CFAP77: variants seen among roughly 807,000 people sequenced by gnomAD.
CFAP77 encodes the protein cilia- and flagella-associated protein 77.
CFAP77 carries 25 observed loss-of-function variants against 31.1 expected under a neutral mutation model. That is an observed-to-expected ratio of 0.80 (90% confidence interval 0.59 to 1.12). The LOEUF (loss-of-function observed/expected upper bound fraction) is 1.12. Ranked by LOEUF, CFAP77 falls within the 50% of genes most tolerant of loss-of-function variation. The pLI is 0.00. For missense variants in CFAP77, 377 were observed against 397.3 expected (o/e 0.95, Z 0.44); for synonymous variants, 151 against 159.9 (o/e 0.94, Z 0.42).
chr9:132,510,065 G>A (rs1589895529), intron 3 of CFAP77, among the ~76,000 whole-genome samples: 1 of 152,268 alleles, frequency 6.6e-6, no homozygotes, highest in South Asian at 2.1e-4. Context: ...GACACTCGCG[G>A]CATCCCAAGC....
intron 3 of CFAP77, among the ~76,000 whole-genome samples, chr9:132,532,706 C>T (rs62578598): frequency 0.043 from 6,501 of 152,174 alleles, 209 homozygotes; most frequent in Middle Eastern, 0.088. Flanking sequence ...AATTAAGTCA[C>T]AGGGTAAGTT....
At chr9:132,438,539 A>ATTT (rs1165427680) in intron 1 of CFAP77, among the ~76,000 whole-genome samples, 7 of 115,448 alleles carry the variant, frequency 6.1e-5, no homozygotes, top group Non-Finnish European at 1.0e-4. Flanking sequence ...ATATATATAT[A>ATTT]TATTTTTTTT....
At chr9:132,460,040 G>A (rs1277187637) in intron 1 of CFAP77, among the ~76,000 whole-genome samples, 3 of 152,092 alleles carry the variant, frequency 2.0e-5, no homozygotes, top group Non-Finnish European at 4.4e-5. Flanking sequence ...TTCCATGCAG[G>A]GCATCGCACC....
At chr9:132,519,962 G>A (rs965650555) in intron 3 of CFAP77, among the ~76,000 whole-genome samples, 1 of 152,034 alleles carries the variant, frequency 6.6e-6, no homozygotes, top group African/African-American at 2.4e-5. Flanking sequence ...GTGGATGGAT[G>A]GACTAACGAA....
At chr9:132,549,616 T>TC (rs2119079291) in intron 5 of CFAP77, among the ~76,000 whole-genome samples, 2 of 152,228 alleles carry the variant, frequency 1.3e-5, no homozygotes, top group African/African-American at 4.8e-5. Flanking sequence ...GGCGGGTGGA[T>TC]CACCTGAGGT....
intron 1 of CFAP77, among the ~76,000 whole-genome samples, chr9:132,474,407 AG>A (rs768484622): frequency 4.6e-5 from 7 of 152,230 alleles, no homozygotes; most frequent in Non-Finnish European, 1.0e-4. Context: ...CCTTCATCCC[AG>A]GAAGGAGCGT....
chr9:132,528,414 C>T (rs1307206876), intron 3 of CFAP77, among the ~76,000 whole-genome samples: 2 of 146,536 alleles, frequency 1.4e-5, no homozygotes, highest in African/African-American at 4.9e-5. Flanking sequence ...TAGAAGAAAA[C>T]CTAGGCATTA....
chr9:132,411,563 C>G (rs972438393), intron 1 of CFAP77, among the ~76,000 whole-genome samples: 1 of 152,176 alleles, frequency 6.6e-6, no homozygotes, highest in Non-Finnish European at 1.5e-5. Context: ...TCGTGCCTTT[C>G]CATCGAATAG....
intron 1 of CFAP77, chr9:132,482,165 C>G: frequency 1.7e-6 from 1 of 583,364 alleles, no homozygotes. Flanking sequence ...TCTGCTTTTT[C>G]CTTTTCTCTC....
rs1387449295 is a variant in CFAP77 at position 132,542,911 on chromosome 9, C to A, written c.631-35C>A. 3 of 1,546,938 alleles carry A rather than the reference C, an allele frequency of 1.9e-6. 1 individual carries two copies. Among genetic ancestry groups the A allele is most frequent in the Middle Eastern group, 1.7e-4 (1 of 5,934 alleles). ...GCACGGCCTTCTCCAAGTAGCCGGG[C>A]AACCATCTCACCTTTGCCTTTCCCT... On this transcript the variant is annotated intron_variant, in intron 4 of 5. Coordinates refer to ENST00000393216, the MANE Select transcript of CFAP77 (RefSeq NM_001282957.2).
Position 132,498,719 on chromosome 9 carries a change from A to G in CFAP77, c.220A>G (p.Arg74Gly), listed in dbSNP as rs535379609. 8 of 1,612,414 alleles carry G rather than the reference A, an allele frequency of 5.0e-6. No individual in the cohort carries two copies. The African/African-American group carries it at 9.3e-5, about 19-fold the overall frequency. Residue 74 changes from arginine (R) to glycine (G), a missense_variant, in exon 2 of 6, where the codon AGA becomes GGA. Coordinates refer to ENST00000393216, the MANE Select transcript of CFAP77 (RefSeq NM_001282957.2). This position sits in a 1 kb window ranked among gnomAD's most constrained non-coding sequence, Gnocchi z 4.2. ...VKAELGKPRE[R>G]SYSLPGINFN... ...GGCTGAACTCGGCAAGCCCCGGGAA[A>G]GAAGCTACAGTCTGCCCGGCATTAA...
chr9:132,478,161 G>T (rs569218531), intron 1 of CFAP77, among the ~76,000 whole-genome samples: 25 of 152,200 alleles, frequency 1.6e-4, no homozygotes, highest in African/African-American at 5.8e-4. Flanking sequence ...ATCATGGGGG[G>T]TGGTTTCTGC....
At chr9:132,510,529 A>G (rs1221050427) in intron 3 of CFAP77, among the ~76,000 whole-genome samples, 1 of 152,232 alleles carries the variant, frequency 6.6e-6, no homozygotes, top group African/African-American at 2.4e-5. Flanking sequence ...AGAACCAGGC[A>G]TCAAGCCCAA....
chr9:132,423,396 C>T (rs541083988), intron 1 of CFAP77, among the ~76,000 whole-genome samples: 11 of 152,334 alleles, frequency 7.2e-5, no homozygotes, highest in Admixed American at 3.9e-4. Context: ...GCTGACGCTC[C>T]AGTTTGCCCA....
intron 1 of CFAP77, among the ~76,000 whole-genome samples, chr9:132,449,314 TACTCCTGGCTGCACTCACCCTCCTCTC>T (rs1850781738): frequency 2.0e-5 from 3 of 151,146 alleles, no homozygotes; most frequent in African/African-American, 7.4e-5. Flanking sequence ...CCTCCTCTCC[TACTCCTGGCTGCACTCACCCTCCTCTC>T]CTACTCCTGG....
Position 132,495,010 on chromosome 9 carries a change from G to A in CFAP77, c.196-3685G>A, listed in dbSNP as rs182458204. Reference sequence around the variant, plus strand: ...TCTGCTTCCCACATCAAATACCCTGGTGAACATGACTGCCATTGCTTAACT... The same window carrying A: ...TCTGCTTCCCACATCAAATACCCTGATGAACATGACTGCCATTGCTTAACT... On this transcript the variant is annotated intron_variant, in intron 1 of 5. Transcript: ENST00000393216. The surrounding 1 kb of genome is among the most constrained non-coding windows in gnomAD (Gnocchi z 4.2). Among the ~76,000 whole-genome samples the A allele has an allele frequency of 6.2e-4, 95 of 152,254 alleles. No homozygotes were observed. The highest frequency in any genetic ancestry group is 2.2e-3 in the African/African-American group (91 of 41,554).
At chr9:132,537,547 G>A in intron 3 of CFAP77, 54 bp from the exon 4 acceptor site, 1 of 1,379,486 alleles carries the variant, frequency 7.2e-7, no homozygotes, top group Non-Finnish European at 1.0e-6. Flanking sequence ...GTGGGGAGCG[G>A]GTGCCTCTGG....
At position 132,490,724 on chromosome 9, in the gene CFAP77, T is replaced by G. The variant is rs1319989508; in HGVS notation, c.196-7971T>G. Among the ~76,000 whole-genome samples, 1 of 152,202 alleles carries G rather than the reference T, an allele frequency of 6.6e-6. No homozygotes were observed. Among genetic ancestry groups the G allele is most frequent in the Non-Finnish European group, 1.5e-5 (1 of 68,034 alleles). ...TCAAGATCTGTATGTGTCTTTCTTT[T>G]CCTGATTACCCTTCCCCCAACGCAG... On this transcript the variant is annotated intron_variant, in intron 1 of 5. Transcript: ENST00000393216. This position sits in a 1 kb window ranked among gnomAD's most constrained non-coding sequence, Gnocchi z 4.6.
chr9:132,449,890 A>G (rs1437208353), intron 1 of CFAP77, among the ~76,000 whole-genome samples: 2 of 146,304 alleles, frequency 1.4e-5, no homozygotes, highest in Non-Finnish European at 3.0e-5. Flanking sequence ...AGGGATGATT[A>G]AGAGTTTTTT....
Sources: allele counts gnomAD v4.1 joint callset (sites outside exome capture counted in the v4.1 genomes callset), GRCh38; gene constraint gnomAD v4.1.1; non-coding constraint Gnocchi (gnomAD v3.1); transcripts MANE v1.5; gene names NCBI Gene and HGNC (gene_info 2026-07-23, HGNC 2026-07-21).